The following RASSF3 variants were observed in gnomAD, a reference collection of about 807,000 sequenced individuals.
RASSF3 encodes the protein ras association domain-containing protein 3.
Under a neutral mutation model 19.9 loss-of-function variants are expected in RASSF3, and 19 were observed. That is an observed-to-expected ratio of 0.96 (90% confidence interval 0.67 to 1.40). RASSF3 has a LOEUF of 1.40. RASSF3 is among the 40% of genes most tolerant of loss of function. The probability of loss-of-function intolerance (pLI) is 0.00; values close to 1 mark genes in which losing one functional copy is unlikely to be tolerated. For missense variants in RASSF3, 306 were observed against 289.8 expected (o/e 1.06, Z -0.41); for synonymous variants, 110 against 104.2 (o/e 1.06, Z -0.34).
chr12:64,637,554 C>T (rs994438427), intron 1 of RASSF3, among the ~76,000 whole-genome samples: 2 of 151,270 alleles, frequency 1.3e-5, no homozygotes, highest in African/African-American at 4.9e-5. Flanking sequence ...CTCAGCCTCC[C>T]GAGTAGCTGG....
rs762822586 is a variant in RASSF3, at chr12:64,689,791, C to CTTTTTTTT, written c.457+1344_457+1351dup. On this transcript the variant is annotated intron_variant, in intron 3 of 4. Coordinates refer to ENST00000542104, the MANE Select transcript of RASSF3 (RefSeq NM_178169.4). Reference sequence around the variant, plus strand: ...GTTTGTAGCTGCTAATTCGCTAATTCTTTTTTTTTTTTTGAGACGGAGTCT... The same window carrying CTTTTTTTT: ...GTTTGTAGCTGCTAATTCGCTAATTCTTTTTTTTTTTTTTTTTTTTTGAGACGGAGTCT... Among the ~76,000 whole-genome samples, 19 of 96,562 alleles carry CTTTTTTTT rather than the reference C, an allele frequency of 2.0e-4. 2 individuals are homozygous for CTTTTTTTT. Among genetic ancestry groups the CTTTTTTTT allele is most frequent in the African/African-American group, 7.0e-4 (18 of 25,644 alleles). 63.3% of individuals were successfully genotyped at this position (96,562 alleles called of 152,430 possible).
intron 2 of RASSF3, among the ~76,000 whole-genome samples, chr12:64,598,309 A>T (rs967755320): frequency 6.6e-6 from 1 of 152,198 alleles, no homozygotes; most frequent in African/African-American, 2.4e-5. Context: ...ACAGTCTGTT[A>T]TCATTACATA....
At chr12:64,538,138 G>A (rs539556129) in intron 1 of RASSF3, among the ~76,000 whole-genome samples, 1 of 152,134 alleles carries the variant, frequency 6.6e-6, no homozygotes, top group East Asian at 1.9e-4. Flanking sequence ...ACAGGTGCGT[G>A]ACCTCATGCT....
At chr12:64,684,482 G>A (rs1873267626) in intron 1 of RASSF3, among the ~76,000 whole-genome samples, 1 of 149,688 alleles carries the variant, frequency 6.7e-6, no homozygotes, top group Non-Finnish European at 1.5e-5. Flanking sequence ...CCAGGCTGGA[G>A]TGCAATGGCG....
chr12:64,602,608 GA>G (rs954781940), intron 2 of RASSF3, among the ~76,000 whole-genome samples: 12 of 150,722 alleles, frequency 8.0e-5, no homozygotes, highest in Non-Finnish European at 1.6e-4. Context: ...AAAAAAAAAT[GA>G]AAAAAAGTCA....
At chr12:64,689,430 C>T (rs1412193906) in intron 3 of RASSF3, among the ~76,000 whole-genome samples, 3 of 152,088 alleles carry the variant, frequency 2.0e-5, no homozygotes, top group Non-Finnish European at 1.5e-5. Flanking sequence ...CTGTGGAATA[C>T]AAAGATGAAC....
At chr12:64,599,915 C>G (rs966183521) in intron 2 of RASSF3, among the ~76,000 whole-genome samples, 49 of 151,550 alleles carry the variant, frequency 3.2e-4, no homozygotes, top group South Asian at 6.2e-4. Context: ...GCCTGTAGTC[C>G]CAGCTCCTCG....
At chr12:64,601,978 G>A (rs879271631) in intron 2 of RASSF3, among the ~76,000 whole-genome samples, 2 of 151,590 alleles carry the variant, frequency 1.3e-5, no homozygotes, top group Non-Finnish European at 2.9e-5. Flanking sequence ...TTAGCCGGGC[G>A]TGGTGGCGGG....
downstream of RASSF3, chr12:64,541,818 G>A: frequency 2.5e-6 from 1 of 395,530 alleles, no homozygotes; most frequent in Non-Finnish European, 4.5e-6. Context: ...TCAGAGGATC[G>A]AGCTCAGGTT....
At chr12:64,685,485 TCTG>T (rs1873313797) in intron 2 of RASSF3, among the ~76,000 whole-genome samples, 2 of 152,130 alleles carry the variant, frequency 1.3e-5, no homozygotes, top group Non-Finnish European at 2.9e-5. Context: ...GCTCAAGGGA[TCTG>T]CCCAGCTTGG....
chr12:64,607,357 CTTTATTTATTTA>C (rs113059269), upstream of RASSF3, among the ~76,000 whole-genome samples: 1 of 150,474 alleles, frequency 6.6e-6, no homozygotes, highest in Admixed American at 6.6e-5. Context: ...TTCTTCCTTC[CTTTATTTATTTA>C]TTTATTTATT....
chr12:64,641,036 A>C (rs1427339281), intron 1 of RASSF3, among the ~76,000 whole-genome samples: 1 of 151,820 alleles, frequency 6.6e-6, no homozygotes, highest in Non-Finnish European at 1.5e-5. Flanking sequence ...ATTTCATGAC[A>C]TTAAATAAGA....
intron 1 of RASSF3, among the ~76,000 whole-genome samples, chr12:64,669,396 C>T (rs1478875219): frequency 1.3e-5 from 2 of 151,980 alleles, no homozygotes; most frequent in African/African-American, 4.8e-5. Context: ...ACAGTTCCCC[C>T]TGTCACACGT....
chr12:64,621,584 T>G (rs1870767026), intron 1 of RASSF3, among the ~76,000 whole-genome samples: 1 of 152,178 alleles, frequency 6.6e-6, no homozygotes, highest in African/African-American at 2.4e-5. Flanking sequence ...TTCAAGTGAT[T>G]CTCCTGCTTC....
chr12:64,663,379 AT>A (rs746389149), intron 1 of RASSF3, among the ~76,000 whole-genome samples: 37 of 152,152 alleles, frequency 2.4e-4, no homozygotes, highest in Non-Finnish European at 5.3e-4. Flanking sequence ...GTGCATGCTA[AT>A]TGATGGGGAA....
chr12:64,638,610 C>G (rs537276710), intron 1 of RASSF3, among the ~76,000 whole-genome samples: 35 of 151,842 alleles, frequency 2.3e-4, no homozygotes, highest in African/African-American at 8.5e-4. Flanking sequence ...ATATGAATAC[C>G]TTTTAGTCAC....
chr12:64,629,611 C>T (rs551043285), intron 1 of RASSF3, among the ~76,000 whole-genome samples: 1 of 152,064 alleles, frequency 6.6e-6, no homozygotes, highest in East Asian at 1.9e-4. Flanking sequence ...GGTAGCTGCT[C>T]ACATATTATG....
intron 2 of RASSF3, among the ~76,000 whole-genome samples, chr12:64,605,401 A>C (rs1245630166): frequency 6.6e-6 from 1 of 152,062 alleles, no homozygotes; most frequent in African/African-American, 2.4e-5. Flanking sequence ...AACTTTCTAA[A>C]TTATCTTCAG....
intron 1 of RASSF3, among the ~76,000 whole-genome samples, chr12:64,682,274 G>A (rs1289329480): frequency 6.6e-6 from 1 of 152,192 alleles, no homozygotes; most frequent in Non-Finnish European, 1.5e-5. Flanking sequence ...GAAAAGTCAC[G>A]GAGATAGGCC....
Sources: allele counts gnomAD v4.1 joint callset (sites outside exome capture counted in the v4.1 genomes callset), GRCh38; gene constraint gnomAD v4.1.1; transcripts MANE v1.5; gene names NCBI Gene and HGNC (gene_info 2026-07-23, HGNC 2026-07-21).